Variants in ANKRD33B observed in about 807,000 individuals in gnomAD.
ANKRD33B encodes the protein ankyrin repeat domain-containing protein 33B.
ANKRD33B carries 6 observed loss-of-function variants against 21.5 expected under a neutral mutation model. The ratio of observed to expected loss-of-function variants is 0.28; its 90% CI spans 0.15 to 0.55. ANKRD33B has a LOEUF of 0.55. Ranked by LOEUF, ANKRD33B falls within the 20% of genes least tolerant of loss-of-function variation. The pLI, the probability that ANKRD33B is intolerant of heterozygous loss-of-function variation, is 0.94. For synonymous variants in ANKRD33B, 347 were observed against 342.4 expected (o/e 1.01, Z -0.15); for missense variants, 698 against 747.2 (o/e 0.93, Z 0.77).
intron 3 of ANKRD33B, among the ~76,000 whole-genome samples, chr5:10,639,986 C>T (rs552750467): frequency 1.4e-5 from 1 of 70,654 alleles, no homozygotes; most frequent in Non-Finnish European, 3.4e-5. Flanking sequence ...CGCGGAGTTG[C>T]GCGGCGATGT....
intron 1 of ANKRD33B, among the ~76,000 whole-genome samples, chr5:10,593,257 A>G (rs140951705): frequency 7.0e-4 from 106 of 152,300 alleles, no homozygotes; most frequent in African/African-American, 2.5e-3. Flanking sequence ...GCAGTAACAT[A>G]TTTTAAATTA....
In ANKRD33B at chr5:10,619,235, G is replaced by A; in HGVS notation, c.496+773G>A. ...TGTTTCATCGGTCAAGTTCTCAGTT[G>A]CAAGCAAAGAAGCTGCCTGCAGCTG... is the stretch of plus-strand genomic sequence containing the variant. On this transcript the variant is annotated intron_variant, in intron 2 of 3. Coordinates refer to ENST00000296657, the MANE Select transcript of ANKRD33B (RefSeq NM_001164440.2). This position sits in a 1 kb window ranked among gnomAD's most constrained non-coding sequence, Gnocchi z 4.5. 1.1e-6 allele frequency: 1 copy of A among 921,238 alleles called. No homozygotes were observed. Among genetic ancestry groups the A allele is most frequent in the Non-Finnish European group, 1.3e-6 (1 of 771,704 alleles). The allele number at this position is 921,238 out of a possible 1,614,324, so 57.1% of individuals were successfully genotyped here.
intron 2 of ANKRD33B, among the ~76,000 whole-genome samples, chr5:10,631,216 G>T (rs1424390090): frequency 1.3e-5 from 2 of 152,230 alleles, no homozygotes; most frequent in African/African-American, 4.8e-5. Flanking sequence ...GGGCAGGAGG[G>T]CAGAGAGAAA....
At chr5:10,617,389 G>T (rs924093597) in intron 1 of ANKRD33B, among the ~76,000 whole-genome samples, 3 of 152,172 alleles carry the variant, frequency 2.0e-5, no homozygotes, top group Admixed American at 6.5e-5. Flanking sequence ...GATGGCAACT[G>T]CATCCTCTCA....
At chr5:10,572,296 G>A (rs1414124927) in intron 1 of ANKRD33B, among the ~76,000 whole-genome samples, 1 of 152,162 alleles carries the variant, frequency 6.6e-6, no homozygotes, top group East Asian at 1.9e-4. Flanking sequence ...GAGACCTGGA[G>A]CAGGGGGTTC....
intron 1 of ANKRD33B, among the ~76,000 whole-genome samples, chr5:10,581,998 C>G (rs1735453766): frequency 6.6e-6 from 1 of 152,242 alleles, no homozygotes; most frequent in South Asian, 2.1e-4. Context: ...AGAGCCTCCT[C>G]AGGCTCACGC....
At chr5:10,565,213 A>C (rs1267452997) in intron 1 of ANKRD33B, among the ~76,000 whole-genome samples, 1 of 152,052 alleles carries the variant, frequency 6.6e-6, no homozygotes, top group Non-Finnish European at 1.5e-5. Flanking sequence ...ACCTTTCCCC[A>C]GGTCCCTGGC....
At chr5:10,646,032 C>T (rs1449412917) in intron 3 of ANKRD33B, among the ~76,000 whole-genome samples, 1 of 152,234 alleles carries the variant, frequency 6.6e-6, no homozygotes, top group East Asian at 1.9e-4. Flanking sequence ...AAATAATTAC[C>T]TGGCCTAATA....
intron 1 of ANKRD33B, among the ~76,000 whole-genome samples, chr5:10,570,313 T>G (rs1365948797): frequency 1.3e-5 from 2 of 152,218 alleles, no homozygotes; most frequent in Non-Finnish European, 2.9e-5. Context: ...TGATGTAGGC[T>G]GGATTTGCTC....
intron 1 of ANKRD33B, among the ~76,000 whole-genome samples, chr5:10,565,443 ACGT>A (rs1735026053): frequency 6.6e-6 from 1 of 152,122 alleles, no homozygotes; most frequent in African/African-American, 2.4e-5. Flanking sequence ...CGACCAGCCA[ACGT>A]GATCTCTGAC....
chr5:10,587,830 A>G (rs1334547061), intron 1 of ANKRD33B, among the ~76,000 whole-genome samples: 1 of 152,230 alleles, frequency 6.6e-6, no homozygotes, highest in East Asian at 1.9e-4. Flanking sequence ...ACTTCTGCAT[A>G]TATCATAGTT....
intron 1 of ANKRD33B, among the ~76,000 whole-genome samples, chr5:10,592,620 C>T (rs1269578381): frequency 8.5e-6 from 1 of 118,326 alleles, no homozygotes; most frequent in African/African-American, 2.8e-5. Context: ...GAGTGAGACT[C>T]TGTCAAAAAA....
chr5:10,569,014 T>G (rs1415713392), intron 1 of ANKRD33B, among the ~76,000 whole-genome samples: 1 of 152,216 alleles, frequency 6.6e-6, no homozygotes, highest in Non-Finnish European at 1.5e-5. Flanking sequence ...GATCAGGGCT[T>G]TATCTTGAAA....
At position 10,621,477 on chromosome 5, in the gene ANKRD33B, G is replaced by T. The variant is rs181104986; in HGVS notation, c.496+3015G>T. Among the ~76,000 whole-genome samples the T allele has an allele frequency of 1.3e-3, 192 of 152,284 alleles. 1 individual carries two copies. The highest frequency in any genetic ancestry group is 6.6e-3 in the South Asian group (32 of 4,820). On this transcript the variant is annotated intron_variant, in intron 2 of 3. Transcript: ENST00000296657. ...CCCATTCTTTGTCGGCAAGAAACCTGGTTTGCAGCAATCACAATGCATTTA... is the reference window on the plus strand; with the variant it reads ...CCCATTCTTTGTCGGCAAGAAACCTTGTTTGCAGCAATCACAATGCATTTA...
chr5:10,576,929 G>A lies in ANKRD33B; in HGVS notation c.366+12096G>A, dbSNP rs1386247668. On this transcript the variant is annotated intron_variant, in intron 1 of 3. Coordinates refer to ENST00000296657, the MANE Select transcript of ANKRD33B (RefSeq NM_001164440.2). The surrounding 1 kb of genome is among the most constrained non-coding windows in gnomAD (Gnocchi z 4.1). The stretch of plus-strand genomic sequence containing the variant: ...GCACCTCGGATGACGCGAGGGTGGA[G>A]CCTGAAACGCTGGCCCAGGAAATGG... Among the ~76,000 whole-genome samples, 5 of 152,174 alleles carry A rather than the reference G, an allele frequency of 3.3e-5. No homozygotes were observed. In the South Asian group the frequency reaches 1.0e-3, roughly 32 times the overall value.
At position 10,657,529 on chromosome 5, in the gene ANKRD33B, A is replaced by T. The variant is rs181116261; in HGVS notation, c.*7416A>T. 4.3e-4 allele frequency: 65 copies of T among 152,424 alleles called. No homozygotes were observed. The highest frequency in any genetic ancestry group is 1.5e-3 in the African/African-American group (64 of 41,552). 9.4% of individuals were successfully genotyped at this position (152,424 alleles called of 1,614,324 possible). ...GTAAATTTCATAGTGTTTTATTTTG[A>T]GGTGAGAGTTTTGTTATAGTTTATA... On this transcript the variant is annotated 3_prime_UTR_variant, in exon 4 of 4. Transcript: ENST00000296657.
chr5:10,586,531 G>A (rs1016394097), intron 1 of ANKRD33B, among the ~76,000 whole-genome samples: 3 of 113,642 alleles, frequency 2.6e-5, no homozygotes, highest in Non-Finnish European at 5.6e-5. Context: ...GTGTGTGTGT[G>A]TGTATACTGC....
intron 1 of ANKRD33B, among the ~76,000 whole-genome samples, chr5:10,599,465 T>TC (rs895848186): frequency 2.0e-5 from 3 of 152,056 alleles, no homozygotes; most frequent in South Asian, 2.1e-4. Context: ...ATCATCCCTC[T>TC]CCCCCCAGTC....
rs557465772 is a variant in ANKRD33B at position 10,619,663 on chromosome 5, G to A, written c.496+1201G>A. Among the ~76,000 whole-genome samples the A allele has an allele frequency of 1.1e-4, 17 of 152,310 alleles. No homozygotes were observed. The highest frequency in any genetic ancestry group is 3.9e-4 in the East Asian group (2 of 5,178). ...TGTTCACCTCCTCAGGTTTCGAAGC[G>A]TGAGGCATCACTTCCATGGAGGGTT... On this transcript the variant is annotated intron_variant, in intron 2 of 3. Transcript: ENST00000296657. The surrounding 1 kb of genome is among the most constrained non-coding windows in gnomAD (Gnocchi z 4.5).
Sources: allele counts gnomAD v4.1 joint callset (sites outside exome capture counted in the v4.1 genomes callset), GRCh38; gene constraint gnomAD v4.1.1; non-coding constraint Gnocchi (gnomAD v3.1); transcripts MANE v1.5; gene names NCBI Gene and HGNC (gene_info 2026-07-23, HGNC 2026-07-21).